ABCC4: variants seen among roughly 807,000 people sequenced by gnomAD.
The protein encoded by ABCC4 is ATP-binding cassette sub-family C member 4.
Under a neutral mutation model 168.5 loss-of-function variants are expected in ABCC4, and 102 were observed. The observed-to-expected ratio is 0.61, with a 90% CI of 0.52 to 0.71. ABCC4 has a LOEUF of 0.71. Among genes scored for constraint, ABCC4 ranks in the 30% least tolerant of loss-of-function variants. The probability of loss-of-function intolerance (pLI) is 0.00; values close to 1 mark genes in which losing one functional copy is unlikely to be tolerated. For synonymous variants in ABCC4, 617 were observed against 590.7 expected (o/e 1.04, Z -0.65); for missense variants, 1,402 against 1,605.8 (o/e 0.87, Z 2.17).
rs2038926727 is a variant in ABCC4 at position 95,210,638 on chromosome 13, G to C, written c.621+54C>G. On this transcript the variant is annotated intron_variant, in intron 5 of 30. Transcript: ENST00000645237. ...GCCCCTGCCTCCAGAAAGAATAAAA[G>C]GGGAAAGAGGGGTGTTTAATGCAAT... 25 of 1,430,744 alleles carry C rather than the reference G, an allele frequency of 1.7e-5. No homozygotes were observed. In the South Asian group the frequency reaches 2.7e-4, roughly 15 times the overall value. 88.6% of individuals were successfully genotyped at this position (1,430,744 alleles called of 1,614,324 possible).
chr13:95,027,382 T>G (rs1004511295), intron 30 of ABCC4, among the ~76,000 whole-genome samples: 3 of 152,190 alleles, frequency 2.0e-5, no homozygotes, highest in Non-Finnish European at 4.4e-5. Context: ...ATATTACCAT[T>G]ACTATGAAAG....
chr13:95,297,539 A>T (rs192875347), intron 1 of ABCC4, among the ~76,000 whole-genome samples: 1 of 152,196 alleles, frequency 6.6e-6, no homozygotes, highest in African/African-American at 2.4e-5. Context: ...GTGAAAAAGC[A>T]GTTTTTCCCT....
Position 95,164,521 on chromosome 13 carries a change from G to A in ABCC4, c.2035-3C>T. The A allele has an allele frequency of 3.1e-6, 5 of 1,613,446 alleles. No homozygotes were observed. The highest frequency in any genetic ancestry group is 4.2e-6 in the Non-Finnish European group (5 of 1,179,836). On this transcript the variant is annotated splice_region_variant and splice_polypyrimidine_tract_variant and intron_variant, in intron 15 of 30. Coordinates refer to ENST00000645237, the MANE Select transcript of ABCC4 (RefSeq NM_005845.5). ...AGTGTAACTGGGACATTCTCTGTCT[G>A]CAGAGGAAAAAAGGTGGTAAGAGAC... is the stretch of plus-strand genomic sequence containing the variant.
intron 1 of ABCC4, among the ~76,000 whole-genome samples, chr13:95,273,436 T>C (rs1166209859): frequency 2.0e-5 from 3 of 152,200 alleles, no homozygotes; most frequent in African/African-American, 7.2e-5. Context: ...TGTGAGTCTT[T>C]AGCCCACCTA....
intron 19 of ABCC4, among the ~76,000 whole-genome samples, chr13:95,133,568 T>G (rs575218023): frequency 1.3e-5 from 2 of 152,282 alleles, no homozygotes; most frequent in East Asian, 3.9e-4. Context: ...AGGAGGTACC[T>G]GCTGTGGTAG....
chr13:95,034,502 T>C lies in ABCC4; in HGVS notation c.3870+103A>G, dbSNP rs1018782069. The C allele has an allele frequency of 1.4e-5, 20 of 1,430,776 alleles. No individual in the cohort carries two copies. In the African/African-American group the frequency reaches 2.3e-4, roughly 16 times the overall value. 88.6% of individuals were successfully genotyped at this position (1,430,776 alleles called of 1,614,324 possible). Reference sequence around the variant, plus strand: ...AAGCTTTGTCTCTGCAGGCTTATAATTGAAAAGGGTACACAGTGCTTGTTA... The same window carrying C: ...AAGCTTTGTCTCTGCAGGCTTATAACTGAAAAGGGTACACAGTGCTTGTTA... On this transcript the variant is annotated intron_variant, in intron 30 of 30. Transcript: ENST00000645237.
chr13:95,278,022 G>A (rs944053497), intron 1 of ABCC4, among the ~76,000 whole-genome samples: 3 of 152,154 alleles, frequency 2.0e-5, no homozygotes, highest in Non-Finnish European at 2.9e-5. Context: ...TGCCCCACTG[G>A]AGAAGGCAAG....
intron 21 of ABCC4, among the ~76,000 whole-genome samples, chr13:95,076,845 G>A (rs2033924610): frequency 6.6e-6 from 1 of 152,082 alleles, no homozygotes; most frequent in Non-Finnish European, 1.5e-5. Context: ...CTGCCACCTT[G>A]AATTCCAAGG....
intron 25 of ABCC4, among the ~76,000 whole-genome samples, chr13:95,068,789 T>C (rs2033632757): frequency 6.6e-6 from 1 of 152,228 alleles, no homozygotes; most frequent in Non-Finnish European, 1.5e-5. Context: ...ATAATTCATA[T>C]TTTATGGCTA....
At chr13:95,144,556 G>A (rs1251179859) in intron 19 of ABCC4, among the ~76,000 whole-genome samples, 1 of 151,912 alleles carries the variant, frequency 6.6e-6, no homozygotes, top group Non-Finnish European at 1.5e-5. Context: ...CAAAGTTACG[G>A]GATACAAAAA....
chr13:95,236,188 C>T (rs1185275717), intron 3 of ABCC4, among the ~76,000 whole-genome samples: 1 of 152,126 alleles, frequency 6.6e-6, no homozygotes, highest in Non-Finnish European at 1.5e-5. Context: ...TTGTAAGGGA[C>T]CCTTTTCCCC....
At chr13:95,114,643 C>T (rs944783002) in intron 20 of ABCC4, among the ~76,000 whole-genome samples, 6 of 152,146 alleles carry the variant, frequency 3.9e-5, no homozygotes, top group African/African-American at 1.4e-4. Flanking sequence ...CTTACTTCAC[C>T]TCCATAAACA....
chr13:95,163,290 C>A, intron 17 of ABCC4, 74 bp from the exon 18 acceptor site: 2 of 1,061,720 alleles, frequency 1.9e-6, no homozygotes, highest in Middle Eastern at 2.5e-4. Flanking sequence ...TAAAAATGAA[C>A]CACAATTTGG....
At chr13:95,096,591 G>A (rs1360350049) in intron 20 of ABCC4, among the ~76,000 whole-genome samples, 6 of 151,870 alleles carry the variant, frequency 4.0e-5, no homozygotes, top group Non-Finnish European at 7.4e-5. Context: ...AGTGCAACAA[G>A]CATAATAATG....
rs1750991 is a variant in ABCC4 at position 95,148,551 on chromosome 13, T to C, written c.2455+12638A>G. On this transcript the variant is annotated intron_variant, in intron 19 of 30. Coordinates refer to ENST00000645237, the MANE Select transcript of ABCC4 (RefSeq NM_005845.5). Reference sequence around the variant, plus strand: ...TAATTCTTATTGTGGTGGGACAAGCTAACTAAAAAGTCTCTCTCTCCCTCT... The same window carrying C: ...TAATTCTTATTGTGGTGGGACAAGCCAACTAAAAAGTCTCTCTCTCCCTCT... Among the ~76,000 whole-genome samples, 443 of 150,334 alleles carry C rather than the reference T, an allele frequency of 2.9e-3. 3 individuals carry two copies. Among genetic ancestry groups the C allele is most frequent in the African/African-American group, 0.01 (420 of 40,922 alleles).
chr13:95,139,150 A>G (rs950093739), intron 19 of ABCC4, among the ~76,000 whole-genome samples: 1 of 152,260 alleles, frequency 6.6e-6, no homozygotes, highest in Non-Finnish European at 1.5e-5. Flanking sequence ...CTAACTCAAG[A>G]TAAGACTCAG....
chr13:95,035,947 A>G (rs2093578577), intron 29 of ABCC4, among the ~76,000 whole-genome samples: 1 of 152,212 alleles, frequency 6.6e-6, no homozygotes, highest in South Asian at 2.1e-4. Context: ...ATTAAGCCTC[A>G]TAAAGGGCAT....
chr13:95,022,806 C>T (rs777633694), intron 30 of ABCC4, among the ~76,000 whole-genome samples: 5 of 152,184 alleles, frequency 3.3e-5, no homozygotes, highest in Non-Finnish European at 7.3e-5. Context: ...AGTGCTGAGA[C>T]ACCTGCCTAC....
chr13:95,132,856 T>C (rs189907626), intron 19 of ABCC4, among the ~76,000 whole-genome samples: 2 of 152,178 alleles, frequency 1.3e-5, no homozygotes, highest in East Asian at 1.9e-4. Context: ...ATGTCCAGCA[T>C]GTAGAACAGT....
Sources: gnomAD v4.1 joint callset for allele counts (sites outside exome capture counted in the v4.1 genomes callset) on GRCh38, gnomAD v4.1.1 for gene constraint, MANE v1.5 for transcripts, NCBI Gene and HGNC (gene_info 2026-07-23, HGNC 2026-07-21) for gene names.